TBCD: variants seen among roughly 807,000 people sequenced by gnomAD.
TBCD encodes tubulin-specific chaperone D.
A neutral mutation model predicts 169.3 loss-of-function variants in TBCD; 105 were observed. That is an observed-to-expected ratio of 0.62 (90% confidence interval 0.53 to 0.73). The LOEUF is 0.73. Ranked by LOEUF, TBCD falls within the 30% of genes least tolerant of loss-of-function variation. The pLI is 0.00. For synonymous variants in TBCD, 700 were observed against 643.9 expected, an observed-to-expected ratio of 1.09 and a Z score of -1.32; for missense variants, 1,444 against 1,600.1, an observed-to-expected ratio of 0.90 and a Z score of 1.66.
At chr17:82,822,982 A>G (rs2052535215) in intron 13 of TBCD, among the ~76,000 whole-genome samples, 1 of 152,172 alleles carries the variant, frequency 6.6e-6, no homozygotes, top group African/African-American at 2.4e-5. Flanking sequence ...CGACATGGAA[A>G]CCCGCAGAGG....
At chr17:82,913,952 C>T (rs2060846185) in intron 23 of TBCD, 1 of 152,274 alleles carries the variant, frequency 6.6e-6, no homozygotes, top group Non-Finnish European at 1.5e-5. Flanking sequence ...GACGTGCCCT[C>T]CCTGGGCGTG....
At position 82,945,004 on chromosome 17, in the gene TBCD, T is replaced by TTGAC. The variant is rs2063587338; in HGVS notation, c.*2543_*2546dup. The TTGAC allele has an allele frequency of 6.6e-6, 1 of 152,214 alleles. No individual in the cohort carries two copies. Among genetic ancestry groups the TTGAC allele is most frequent in the African/African-American group, 2.4e-5 (1 of 41,440 alleles). 9.4% of individuals were successfully genotyped at this position (152,214 alleles called of 1,614,324 possible). On this transcript the variant is annotated 3_prime_UTR_variant, in exon 39 of 39. Coordinates refer to ENST00000355528, the MANE Select transcript of TBCD (RefSeq NM_005993.5). ...AAAACTCCTAAAGTGGAAAATTTGA[T>TTGAC]TGACTTGGCCCTGACCAGTGGTATT...
intron 13 of TBCD, among the ~76,000 whole-genome samples, chr17:82,852,851 G>A (rs936091092): frequency 4.6e-5 from 7 of 152,190 alleles, no homozygotes; most frequent in Non-Finnish European, 1.0e-4. Flanking sequence ...GTGTGGATGT[G>A]GTTTTTGTCT....
At position 82,900,455 on chromosome 17, in the gene TBCD, C is replaced by A. The variant is rs1339171496; in HGVS notation, c.1650-196C>A. The A allele has an allele frequency of 9.1e-6, 5 of 552,054 alleles. No individual in the cohort carries two copies. In the East Asian group the frequency reaches 1.2e-4, roughly 13 times the overall value. 34.2% of individuals were successfully genotyped at this position (552,054 alleles called of 1,614,324 possible). On this transcript the variant is annotated intron_variant, in intron 17 of 38. Transcript: ENST00000355528. ...GCCGTTACACATGAAGCTGTGTGCA[C>A]GTTTGTGTAAAGCCCGTGTGTGCAC...
chr17:82,892,170 G>A (rs1049505255), intron 16 of TBCD, among the ~76,000 whole-genome samples: 1 of 151,844 alleles, frequency 6.6e-6, no homozygotes, highest in African/African-American at 2.4e-5. Flanking sequence ...TTCTCACCGT[G>A]GGGGGATGCT....
intron 13 of TBCD, among the ~76,000 whole-genome samples, chr17:82,834,762 A>G (rs1189119173): frequency 1.3e-5 from 2 of 152,108 alleles, no homozygotes; most frequent in African/African-American, 4.8e-5. Flanking sequence ...CAAATAGCTA[A>G]TGCATGCAGG....
chr17:82,801,212 A>G (rs1364024301), intron 9 of TBCD, among the ~76,000 whole-genome samples: 3 of 152,146 alleles, frequency 2.0e-5, no homozygotes, highest in Non-Finnish European at 4.4e-5. Flanking sequence ...TCTGGAGGGC[A>G]GGCCGAGCCG....
At chr17:82,933,732 C>G (rs2062402915) in intron 34 of TBCD, among the ~76,000 whole-genome samples, 1 of 152,186 alleles carries the variant, frequency 6.6e-6, no homozygotes, top group African/African-American at 2.4e-5. Flanking sequence ...CTCTCGCAGA[C>G]TTCTGAGTAG....
At chr17:82,844,659 T>C (rs4986114) in intron 13 of TBCD, among the ~76,000 whole-genome samples, 28,532 of 152,096 alleles carry the variant, frequency 0.19, 2,898 homozygotes, top group East Asian at 0.3. Context: ...CTTCCTCTTC[T>C]ACCCTGTAGC....
rs947786759 is a variant in TBCD, at chr17:82,890,915, G to A, written c.1563+1218G>A. ...GGCTGCTGTGAGGAAGAAGGAGCTT[G>A]TTGGAAACCACTTAGCTGAGCCTAG... On this transcript the variant is annotated intron_variant, in intron 16 of 38. Transcript: ENST00000355528. This position sits in a 1 kb window ranked among gnomAD's most constrained non-coding sequence, Gnocchi z 5.3. Among the ~76,000 whole-genome samples the A allele has an allele frequency of 3.3e-5, 5 of 152,238 alleles. No individual in the cohort carries two copies. The highest frequency in any genetic ancestry group is 9.6e-5 in the African/African-American group (4 of 41,472).
rs1254116632 is a variant in TBCD at position 82,915,740 on chromosome 17, GTCACGAGAA to G, written c.2038+3955_2038+3963del. Among the ~76,000 whole-genome samples, 1 of 152,188 alleles carries G rather than the reference GTCACGAGAA, an allele frequency of 6.6e-6. No individual in the cohort carries two copies. Among genetic ancestry groups the G allele is most frequent in the Non-Finnish European group, 1.5e-5 (1 of 68,036 alleles). ...TGGCTCACAGCCTTGCACCAGAGGC[GTCACGAGAA>G]TCAGGAAAAGTTCTCCTCTCATGCC... On this transcript the variant is annotated intron_variant, in intron 23 of 38. Transcript: ENST00000355528. The surrounding 1 kb of genome is among the most constrained non-coding windows in gnomAD (Gnocchi z 4.3).
Position 82,874,951 on chromosome 17 carries a change from T to C in TBCD, c.1475+4571T>C, listed in dbSNP as rs901919321. ...GGTGCTTGGGATCAGAGCATCAGAG[T>C]GGAATTTTCGCAGGGAAATGGAAAT... On this transcript the variant is annotated intron_variant, in intron 14 of 38. Transcript: ENST00000355528. The surrounding 1 kb of genome is among the most constrained non-coding windows in gnomAD (Gnocchi z 5.0). Among the ~76,000 whole-genome samples the C allele has an allele frequency of 2.0e-5, 3 of 152,088 alleles. No individual in the cohort carries two copies. The highest frequency in any genetic ancestry group is 7.2e-5 in the African/African-American group (3 of 41,402).
intron 20 of TBCD, 123 bp from the exon 21 acceptor site, chr17:82,907,638 C>A: frequency 9.6e-7 from 1 of 1,044,116 alleles, no homozygotes; most frequent in Non-Finnish European, 1.5e-6. Flanking sequence ...CTTGCTGAGC[C>A]TATGCTCCTC....
At chr17:82,939,987 C>G (rs139338429) in intron 37 of TBCD, among the ~76,000 whole-genome samples, 11 of 152,208 alleles carry the variant, frequency 7.2e-5, no homozygotes, top group Non-Finnish European at 1.0e-4. Context: ...TTGGCAGGCA[C>G]AGTTTCTGCA....
chr17:82,809,565 G>A, intron 11 of TBCD, 143 bp from the exon 12 acceptor site: 1 of 793,850 alleles, frequency 1.3e-6, no homozygotes, highest in Non-Finnish European at 2.0e-6. Context: ...GCTCCAAGCA[G>A]GGTGCGGGCT....
At chr17:82,898,805 T>C (rs962921056) in intron 17 of TBCD, among the ~76,000 whole-genome samples, 3 of 152,234 alleles carry the variant, frequency 2.0e-5, no homozygotes, top group Non-Finnish European at 4.4e-5. Flanking sequence ...TTCCGTGTTG[T>C]TTTCACAAGA....
chr17:82,927,031 C>A, intron 28 of TBCD, 155 bp from the exon 29 acceptor site: 1 of 1,030,292 alleles, frequency 9.7e-7, no homozygotes, highest in Non-Finnish European at 1.4e-6. Flanking sequence ...ACGTTCCATA[C>A]ATGTGGAAGG....
chr17:82,840,958 T>C (rs1176033813), intron 13 of TBCD, among the ~76,000 whole-genome samples: 1 of 71,372 alleles, frequency 1.4e-5, no homozygotes, highest in Admixed American at 1.3e-4. Context: ...AAACTGGTTT[T>C]TTTTTTTTTT....
At chr17:82,768,051 T>C (rs2048111359) in intron 4 of TBCD, among the ~76,000 whole-genome samples, 1 of 152,124 alleles carries the variant, frequency 6.6e-6, no homozygotes, top group Non-Finnish European at 1.5e-5. Flanking sequence ...CCTGGCCTTT[T>C]TTCTTTATTC....
Sources: gnomAD v4.1 joint callset for allele counts (sites outside exome capture counted in the v4.1 genomes callset) on GRCh38, gnomAD v4.1.1 for gene constraint, Gnocchi (gnomAD v3.1) non-coding constraint, MANE v1.5 for transcripts, NCBI Gene and HGNC (gene_info 2026-07-23, HGNC 2026-07-21) for gene names.